TDRD5: variants seen among roughly 807,000 people sequenced by gnomAD.
TDRD5 encodes the protein tudor domain-containing protein 5.
A neutral mutation model predicts 120.6 loss-of-function variants in TDRD5; 41 were observed. The ratio of observed to expected loss-of-function variants is 0.34; its 90% confidence interval spans 0.26 to 0.44. The LOEUF is 0.44. Ranked by LOEUF, TDRD5 falls within the 20% of genes least tolerant of loss-of-function variation. The pLI is 1.00. For synonymous variants in TDRD5, 430 were observed against 433.7 expected (o/e 0.99, Z 0.11); for missense variants, 1,006 against 1,221.2 (o/e 0.82, Z 2.63).
At chr1:179,626,069 T>TG (rs1677110903) in intron 6 of TDRD5, among the ~76,000 whole-genome samples, 1 of 144,550 alleles carries the variant, frequency 6.9e-6, no homozygotes, top group Non-Finnish European at 1.5e-5. Context: ...TGTTGTGGGG[T>TG]GGGGCAGGGG....
At chr1:179,662,070 T>C in intron 14 of TDRD5, 34 bp from the exon 15 acceptor site, 1 of 1,505,040 alleles carries the variant, frequency 6.6e-7, no homozygotes, top group Non-Finnish European at 8.8e-7. Flanking sequence ...GAACTATAAA[T>C]GATAGTTTTT....
At chr1:179,615,721 C>G (rs1041724881) in intron 4 of TDRD5, among the ~76,000 whole-genome samples, 2 of 151,906 alleles carry the variant, frequency 1.3e-5, no homozygotes, top group Non-Finnish European at 2.9e-5. Context: ...TTTAAAAAAT[C>G]TCCACTGCAT....
At chr1:179,641,823 A>AG (rs1678064906) in intron 11 of TDRD5, among the ~76,000 whole-genome samples, 1 of 152,244 alleles carries the variant, frequency 6.6e-6, no homozygotes, top group African/African-American at 2.4e-5. Context: ...TCGCCTGCTT[A>AG]ACCGTTTCTT....
At chr1:179,603,215 T>C (rs1433175904) in intron 4 of TDRD5, among the ~76,000 whole-genome samples, 4 of 152,210 alleles carry the variant, frequency 2.6e-5, no homozygotes, top group Non-Finnish European at 4.4e-5. Context: ...CTGATTTGTG[T>C]ACATTAATCT....
At chr1:179,684,003 A>G (rs1038640758) in intron 17 of TDRD5, among the ~76,000 whole-genome samples, 4 of 152,022 alleles carry the variant, frequency 2.6e-5, no homozygotes, top group Admixed American at 2.6e-4. Flanking sequence ...CATTTTATTT[A>G]AATTCTTATT....
intron 11 of TDRD5, among the ~76,000 whole-genome samples, chr1:179,645,810 T>C (rs1678327133): frequency 6.6e-6 from 1 of 152,178 alleles, no homozygotes; most frequent in South Asian, 2.1e-4. Context: ...GCAGACTGAA[T>C]GTTTTATCAT....
At chr1:179,645,033 A>T in intron 11 of TDRD5, among the ~76,000 whole-genome samples, 1 of 136,598 alleles carries the variant, frequency 7.3e-6, no homozygotes, top group African/African-American at 2.8e-5. Flanking sequence ...TTCTTGTTTG[A>T]TTCATGGATT....
At position 179,648,051 on chromosome 1, in the gene TDRD5, G is replaced by T. The variant is rs1262806314; in HGVS notation, c.1801-2816G>T. 7.2e-5 allele frequency among the ~76,000 whole-genome samples: 11 copies of T among 152,070 alleles called. No homozygotes were observed. The East Asian group carries it at 1.9e-3, about 27-fold the overall frequency. ...GAAGTCAGTGTGGCGATTCCTCAGG[G>T]ATCTAGAACTAGAAATACCATTTGA... On this transcript the variant is annotated intron_variant, in intron 11 of 17. Coordinates refer to ENST00000444136, the MANE Select transcript of TDRD5 (RefSeq NM_001199085.3).
chr1:179,675,117 G>GGTT (rs1292388942), intron 17 of TDRD5, among the ~76,000 whole-genome samples: 2 of 151,640 alleles, frequency 1.3e-5, no homozygotes, highest in Non-Finnish European at 2.9e-5. Context: ...AATTCTGTGA[G>GGTT]GTATAACCTT....
chr1:179,652,047 T>C lies in TDRD5; in HGVS notation c.2010T>C (p.Ser670=), dbSNP rs1273759458. Residue 670 remains serine, a synonymous_variant, in exon 13 of 18, where the codon AGT becomes AGC. Transcript: ENST00000444136. ...TCTTTTTTTAATCTTAGGGTTTCAG[T>C]GAGCTCAACCCTTTAGCTTTATACA... ...CRENISSKGF[S]ELNPLALYTT... 3 of 1,611,890 alleles carry C rather than the reference T, an allele frequency of 1.9e-6. No homozygotes were observed. The Admixed American group carries it at 5.1e-5, about 27-fold the overall frequency.
At position 179,634,580 on chromosome 1, in the gene TDRD5, A is replaced by T; in HGVS notation, c.1250A>T (p.Gln417Leu). Reference protein sequence around the residue: ...NCPSKKQKEPQQKICKKPNLV... With the variant: ...NCPSKKQKEPLQKICKKPNLV... The stretch of plus-strand genomic sequence containing the variant: ...CCTTCAAAAAAACAAAAAGAGCCAC[A>T]ACAGAAGATTTGCAAGAAGCCTAAT... Residue 417 changes from glutamine (Q) to leucine (L), a missense_variant, in exon 8 of 18, where the codon CAA (glutamine) becomes CTA (leucine). By Grantham distance (113) the Gln-to-Leu change is moderately radical (BLOSUM62 -2). This residue lies in a region of TDRD5 where 445 missense variants were observed against 515.5 expected (regional missense o/e 0.86). Transcript: ENST00000444136. 1 of 1,614,012 alleles carries T rather than the reference A, an allele frequency of 6.2e-7. No homozygotes were observed.
chr1:179,647,507 A>G (rs1678447973), intron 11 of TDRD5, among the ~76,000 whole-genome samples: 1 of 151,952 alleles, frequency 6.6e-6, no homozygotes, highest in South Asian at 2.1e-4. Context: ...CCTACAAGAA[A>G]ACCTAGGCAT....
intron 13 of TDRD5, among the ~76,000 whole-genome samples, chr1:179,653,878 T>C (rs1276482511): frequency 1.3e-5 from 2 of 152,214 alleles, no homozygotes; most frequent in African/African-American, 2.4e-5. Context: ...TTTTGTCATA[T>C]CTTTATGATG....
intron 17 of TDRD5, among the ~76,000 whole-genome samples, chr1:179,685,063 T>C (rs1409592542): frequency 6.6e-6 from 1 of 152,222 alleles, no homozygotes; most frequent in Non-Finnish European, 1.5e-5. Context: ...ATCCCATTTG[T>C]CAATTTTGGC....
At chr1:179,640,744 A>G (rs1345871342) in intron 11 of TDRD5, among the ~76,000 whole-genome samples, 1 of 152,178 alleles carries the variant, frequency 6.6e-6, no homozygotes, top group Non-Finnish European at 1.5e-5. Context: ...AAGATGATGA[A>G]AAAAGAAAGG....
At chr1:179,615,917 T>C (rs565908485) in intron 4 of TDRD5, among the ~76,000 whole-genome samples, 2 of 152,258 alleles carry the variant, frequency 1.3e-5, no homozygotes, top group East Asian at 3.9e-4. Context: ...AGGCTAAATA[T>C]TCTCTGCTTT....
rs759804166 is a variant in TDRD5, at chr1:179,639,932, G to A, written c.1614G>A (p.Glu538=). The change falls in exon 10 of 18, where the codon GAG becomes GAA. Residue 538 remains glutamate, a synonymous_variant. Transcript: ENST00000444136. ...ATCTCTGTTGTGTAAGGATTTCTGA[G>A]GATAAGTGGTGGTATCGGGTCATTA... ...PGHLCCVRIS[E]DKWWYRVIIH... The A allele has an allele frequency of 1.7e-5, 28 of 1,614,110 alleles. No homozygotes were observed. Among genetic ancestry groups the A allele is most frequent in the Non-Finnish European group, 2.3e-5 (27 of 1,180,006 alleles).
intron 6 of TDRD5, among the ~76,000 whole-genome samples, chr1:179,621,789 G>A (rs1676857890): frequency 6.6e-6 from 1 of 152,088 alleles, no homozygotes; most frequent in African/African-American, 2.4e-5. Flanking sequence ...TGTGTGCCAG[G>A]CTCTATCCAG....
chr1:179,652,002 G>A (rs1370649047), intron 12 of TDRD5, 37 bp from the exon 13 acceptor site: 4 of 1,601,364 alleles, frequency 2.5e-6, no homozygotes, highest in Non-Finnish European at 3.4e-6. Context: ...TGTTGGTCAT[G>A]TAAATTAAAC....
Sources: gnomAD v4.1 joint callset for allele counts (sites outside exome capture counted in the v4.1 genomes callset) on GRCh38, gnomAD v4.1.1 for gene constraint, gnomAD v4.1.1 regional missense constraint, MANE v1.5 for transcripts, NCBI Gene and HGNC (gene_info 2026-07-23, HGNC 2026-07-21) for gene names.